Variants in ZNF106 observed in about 807,000 individuals in gnomAD.
ZNF106 encodes the protein zinc finger protein 106, also known as SH3-domain binding protein 3.
Under a neutral mutation model 195.1 loss-of-function variants are expected in ZNF106, and 67 were observed. The observed-to-expected ratio is 0.34, with a 90% CI of 0.28 to 0.42. ZNF106 has a LOEUF of 0.42. Ranked by LOEUF, ZNF106 falls within the 10% of genes least tolerant of loss-of-function variation. ZNF106 has a pLI of 1.00. For synonymous variants in ZNF106, 784 were observed against 818.6 expected (o/e 0.96, Z 0.72); for missense variants, 2,118 against 2,304.5 (o/e 0.92, Z 1.66).
At position 42,415,739 on chromosome 15, in the gene ZNF106, G is replaced by GTT. The variant is rs577185237; in HGVS notation, c.*1563_*1564dup. ...AATTTTATCTCTCTGAAGAAGCTGAGTTTTTTTTTTTTTTTTTGAGACGGA... is the reference window on the plus strand; with the variant it reads ...AATTTTATCTCTCTGAAGAAGCTGAGTTTTTTTTTTTTTTTTTTTGAGACGGA... On this transcript the variant is annotated 3_prime_UTR_variant, in exon 22 of 22. Transcript: ENST00000564754. 339 of 149,856 alleles carry GTT rather than the reference G, an allele frequency of 2.3e-3. No individual in the cohort carries two copies. The highest frequency in any genetic ancestry group is 6.9e-3 in the South Asian group (45 of 6,486). 9.3% of individuals were successfully genotyped at this position (149,856 alleles called of 1,614,324 possible).
At chr15:42,418,531 A>ATTTTTTTT in intron 20 of ZNF106, among the ~76,000 whole-genome samples, 1 of 89,614 alleles carries the variant, frequency 1.1e-5, no homozygotes, top group Non-Finnish European at 2.1e-5. Flanking sequence ...ACGGCCAGTT[A>ATTTTTTTT]ATTTTTTTTT....
chr15:42,474,755 A>G (rs1056339432), intron 1 of ZNF106, among the ~76,000 whole-genome samples: 9 of 152,060 alleles, frequency 5.9e-5, no homozygotes, highest in Non-Finnish European at 1.2e-4. Context: ...CTATAAAAAG[A>G]AAGAAAGAAA....
At position 42,442,350 on chromosome 15, in the gene ZNF106, G is replaced by T; in HGVS notation, c.3486C>A (p.Asn1162Lys). Residue 1162 changes from asparagine to lysine, a missense_variant, in exon 10 of 22, where the codon AAC (asparagine) becomes AAA (lysine). Coordinates refer to ENST00000564754, the MANE Select transcript of ZNF106 (RefSeq NM_001366845.3). ...VPCSLTRERR[N>K]SRSQTSIDAA... ...CATCAATGGATGTTTGAGATCTACT[G>T]TTCCTTCGTTCTCGTGTGAGGCTAC... 6.2e-7 allele frequency: 1 copy of T among 1,614,198 alleles called. No homozygotes were observed. The highest frequency in any genetic ancestry group is 2.2e-5 in the East Asian group (1 of 44,890).
At chr15:42,477,048 C>G (rs2056800697) in intron 1 of ZNF106, among the ~76,000 whole-genome samples, 1 of 152,024 alleles carries the variant, frequency 6.6e-6, no homozygotes, top group Non-Finnish European at 1.5e-5. Context: ...TATCGGTGCC[C>G]CCAACCCTTG....
At chr15:42,435,958 CTTTT>C (rs1216348787) in intron 13 of ZNF106, among the ~76,000 whole-genome samples, 3 of 140,564 alleles carry the variant, frequency 2.1e-5, no homozygotes, top group East Asian at 2.1e-4. Flanking sequence ...GGTGTTGTTT[CTTTT>C]TTTTTTTTTT....
intron 2 of ZNF106, among the ~76,000 whole-genome samples, chr15:42,471,562 C>A (rs1373961905): frequency 6.6e-6 from 1 of 152,094 alleles, no homozygotes; most frequent in East Asian, 1.9e-4. Context: ...GAAACCCTGT[C>A]TCTACTAAAA....
intron 6 of ZNF106, among the ~76,000 whole-genome samples, chr15:42,447,479 G>A (rs1265644148): frequency 6.6e-6 from 1 of 152,188 alleles, no homozygotes. Context: ...GGGATACTGA[G>A]AGGGTTAAGC....
Position 42,451,829 on chromosome 15 carries a change from C to T in ZNF106, c.443G>A (p.Arg148His), listed in dbSNP as rs1453093724. ...ESYSQPAWHHRGPPQRDWKWE... is the reference protein window; with the variant it reads ...ESYSQPAWHHHGPPQRDWKWE... ...TTTCCAATCCCGCTGTGGAGGTCCA[C>T]GATGATGCCATGCAGGCTGACTGTA... Residue 148 changes from arginine to histidine, a missense_variant, in exon 5 of 22, where the codon CGT (arginine) becomes CAT (histidine). Physicochemically the swap from Arg to His is conservative, Grantham distance 29. Coordinates refer to ENST00000564754, the MANE Select transcript of ZNF106 (RefSeq NM_001366845.3). The T allele has an allele frequency of 3.7e-6, 6 of 1,614,174 alleles. No homozygotes were observed. Among genetic ancestry groups the T allele is most frequent in the East Asian group, 2.2e-5 (1 of 44,880 alleles).
chr15:42,468,914 C>T (rs1000922484), intron 2 of ZNF106, among the ~76,000 whole-genome samples: 2 of 151,866 alleles, frequency 1.3e-5, no homozygotes, highest in Non-Finnish European at 2.9e-5. Flanking sequence ...CGGTGGGGCA[C>T]GGTGGCTCAC....
chr15:42,453,862 G>C (rs1453391289), intron 4 of ZNF106, among the ~76,000 whole-genome samples: 2 of 152,148 alleles, frequency 1.3e-5, no homozygotes, highest in African/African-American at 4.8e-5. Flanking sequence ...CCAAAGTGCT[G>C]GGATTACAGG....
In ZNF106 at chr15:42,435,422, C is replaced by A; in HGVS notation, c.4843G>T (p.Gly1615Trp). Reference sequence around the variant, plus strand: ...CAGCGGATGGTATGGTCACTGGACCCGGTGTAAAGGGCAGCATTCTTCCCG... The same window carrying A: ...CAGCGGATGGTATGGTCACTGGACCAGGTGTAAAGGGCAGCATTCTTCCCG... Reference protein sequence around the residue: ...TSGKNAALYTGSSDHTIRCYN... With the variant: ...TSGKNAALYTWSSDHTIRCYN... Residue 1615 changes from glycine to tryptophan, a missense_variant, in exon 14 of 22, where the codon GGG (glycine) becomes TGG (tryptophan). Transcript: ENST00000564754. 6.2e-7 allele frequency: 1 copy of A among 1,614,138 alleles called. No homozygotes were observed. Among genetic ancestry groups the A allele is most frequent in the Non-Finnish European group, 8.5e-7 (1 of 1,180,032 alleles).
In ZNF106 at chr15:42,432,596, G is replaced by C. The variant is rs149478680; in HGVS notation, c.4881+2788C>G. On this transcript the variant is annotated intron_variant, in intron 14 of 21. Coordinates refer to ENST00000564754, the MANE Select transcript of ZNF106 (RefSeq NM_001366845.3). Reference sequence around the variant, plus strand: ...CATTTAAAGTATGTCTCTTTGCCTGGGCATGGTGGTGCATGCCTGTAATCC... The same window carrying C: ...CATTTAAAGTATGTCTCTTTGCCTGCGCATGGTGGTGCATGCCTGTAATCC... Among the ~76,000 whole-genome samples the C allele has an allele frequency of 6.1e-3, 925 of 151,726 alleles. 8 individuals are homozygous for C. The highest frequency in any genetic ancestry group is 0.021 in the African/African-American group (885 of 41,316).
intron 1 of ZNF106, among the ~76,000 whole-genome samples, chr15:42,483,525 T>C (rs989889259): frequency 1.3e-5 from 2 of 152,304 alleles, no homozygotes; most frequent in South Asian, 4.1e-4. Context: ...CATCTAAACA[T>C]ACACATACAT....
intron 3 of ZNF106, among the ~76,000 whole-genome samples, chr15:42,458,681 C>T (rs1213919204): frequency 6.6e-6 from 1 of 151,206 alleles, no homozygotes; most frequent in Non-Finnish European, 1.5e-5. Context: ...GCACTCCAGC[C>T]TGGGTGATAG....
chr15:42,457,370 G>A, intron 3 of ZNF106: 1 of 1,418,866 alleles, frequency 7.0e-7, no homozygotes, highest in Non-Finnish European at 9.2e-7. Flanking sequence ...CAGCAATCAA[G>A]AGGCAATAGA....
At chr15:42,444,688 A>T in intron 8 of ZNF106, 139 bp downstream of exon 8, 1 of 1,047,054 alleles carries the variant, frequency 9.6e-7, no homozygotes, top group South Asian at 1.6e-5. Context: ...ACTGTCCCCC[A>T]TTAGGCACAG....
Position 42,415,590 on chromosome 15 carries a change from G to C in ZNF106, c.*1714C>G. On this transcript the variant is annotated 3_prime_UTR_variant, in exon 22 of 22. Coordinates refer to ENST00000564754, the MANE Select transcript of ZNF106 (RefSeq NM_001366845.3). ...AGTCCCCCTGCCCGATAGCCTGAGGGAAGACATGTGAGTGGATATATGTGC... is the reference window on the plus strand; with the variant it reads ...AGTCCCCCTGCCCGATAGCCTGAGGCAAGACATGTGAGTGGATATATGTGC... The C allele has an allele frequency of 2.4e-6, 1 of 423,322 alleles. No individual in the cohort carries two copies. Among genetic ancestry groups the C allele is most frequent in the South Asian group, 1.7e-5 (1 of 58,140 alleles). The allele number at this position is 423,322 out of a possible 1,614,324, so 26.2% of individuals were successfully genotyped here. A position where few individuals can be genotyped will look rare whatever the true frequency, so the allele number is the denominator to read the frequency against.
At chr15:42,476,187 C>T (rs918413913) in intron 1 of ZNF106, among the ~76,000 whole-genome samples, 1 of 152,114 alleles carries the variant, frequency 6.6e-6, no homozygotes, top group African/African-American at 2.4e-5. Flanking sequence ...AGTATTCAAT[C>T]GATAAGGAAG....
chr15:42,472,345 G>GT, intron 1 of ZNF106, 24 bp from the exon 2 acceptor site: 1 of 1,510,082 alleles, frequency 6.6e-7, no homozygotes. Flanking sequence ...GTAACATTTA[G>GT]TAACCTTTTC....
Sources: gnomAD v4.1 joint callset for allele counts (sites outside exome capture counted in the v4.1 genomes callset) on GRCh38, gnomAD v4.1.1 for gene constraint, MANE v1.5 for transcripts, NCBI Gene and HGNC (gene_info 2026-07-23, HGNC 2026-07-21) for gene names.